GFM2: variants seen among roughly 807,000 people sequenced by gnomAD.
GFM2 encodes ribosome-releasing factor 2, mitochondrial.
GFM2 carries 72 observed loss-of-function variants against 95.4 expected under a neutral mutation model. That is an observed-to-expected ratio of 0.76 (90% CI 0.62 to 0.92). GFM2 has a LOEUF of 0.92. Among genes scored for constraint, GFM2 ranks in the 40% least tolerant of loss-of-function variants. GFM2 has a pLI of 0.00. For synonymous variants in GFM2, 276 were observed against 317.5 expected, an observed-to-expected ratio of 0.87 and a Z score of 1.39; for missense variants, 825 against 924.1, an observed-to-expected ratio of 0.89 and a Z score of 1.39.
intron 15 of GFM2, 142 bp from the exon 16 acceptor site, chr5:74,733,240 C>T (rs1213027072): frequency 3.4e-6 from 2 of 590,860 alleles, no homozygotes; most frequent in Non-Finnish European, 6.0e-6. Context: ...TCTGTAATCC[C>T]AGCACTTTGG....
chr5:74,762,873 GAATT>G (rs957518488), intron 2 of GFM2, among the ~76,000 whole-genome samples: 12 of 152,244 alleles, frequency 7.9e-5, no homozygotes, highest in African/African-American at 2.9e-4. Context: ...TAAAACTTAT[GAATT>G]ATTTCTGGAA....
At chr5:74,727,446 G>T (rs1750200420) in intron 17 of GFM2, among the ~76,000 whole-genome samples, 1 of 151,862 alleles carries the variant, frequency 6.6e-6, no homozygotes, top group Non-Finnish European at 1.5e-5. Context: ...TATGTGTTTG[G>T]GAGAGTCGTC....
At position 74,721,715 on chromosome 5, in the gene GFM2, A is replaced by G. The variant is rs758705124; in HGVS notation, c.2280T>C (p.Tyr760=). Reference sequence around the variant, plus strand: ...TTTGATCTTGAGGATTCATGGCTTGATAAGTAGATAGTTCTAAGGCAAAAG... The same window carrying G: ...TTTGATCTTGAGGATTCATGGCTTGGTAAGTAGATAGTTCTAAGGCAAAAG... ...SATFALELST[Y]QAMNPQDQNT... is the part of the protein sequence containing the mutation. Residue 760 remains tyrosine (Y), a synonymous_variant, in exon 21 of 21, where the codon TAT becomes TAC. Transcript: ENST00000296805. 6.2e-7 allele frequency: 1 copy of G among 1,613,852 alleles called. No homozygotes were observed. Among genetic ancestry groups the G allele is most frequent in the Non-Finnish European group, 8.5e-7 (1 of 1,179,824 alleles).
In GFM2 at chr5:74,766,244, C is replaced by T. The variant is rs536820321; in HGVS notation, c.-25+694G>A. Among the ~76,000 whole-genome samples the T allele has an allele frequency of 6.6e-5, 10 of 152,310 alleles. No individual in the cohort carries two copies. In the South Asian group the frequency reaches 1.9e-3, roughly 28 times the overall value. The stretch of plus-strand genomic sequence containing the variant: ...GCTTGATCCCGGGAGGTCGAGGCTG[C>T]GGTGAGCCGAGCTCGTGCCCCTGCA... On this transcript the variant is annotated intron_variant, in intron 1 of 20. Transcript: ENST00000296805.
intron 6 of GFM2, 149 bp from the exon 7 acceptor site, chr5:74,750,816 T>A (rs1465334228): frequency 1.6e-6 from 1 of 610,064 alleles, no homozygotes; most frequent in African/African-American, 1.9e-5. Flanking sequence ...TCAGAGCTAT[T>A]TGCACACCCT....
rs747188736 is a variant in GFM2 at position 74,746,074 on chromosome 5, GAGA to G, written c.669+28_669+30del. On this transcript the variant is annotated intron_variant, in intron 9 of 20. Transcript: ENST00000296805. ...CACAAAATAAATTAATGAGGAAACT[GAGA>G]AGAAGCTGATGCTATTAACCAATTT... The G allele has an allele frequency of 3.2e-5, 46 of 1,421,872 alleles. No homozygotes were observed. The Admixed American group carries it at 9.8e-4, about 30-fold the overall frequency. The allele number at this position is 1,421,872 out of a possible 1,614,324, so 88.1% of individuals were successfully genotyped here.
Position 74,726,000 on chromosome 5 carries a change from C to A in GFM2, c.1853G>T (p.Gly618Val). 1 of 1,607,618 alleles carries A rather than the reference C, an allele frequency of 6.2e-7. No individual in the cohort carries two copies. Among genetic ancestry groups the A allele is most frequent in the East Asian group, 2.2e-5 (1 of 44,824 alleles). ...EFEYAESINE[G>V]LLKVSQEAIE... ...GGCCTCTTGGGAGACCTTCAAAAGG[C>A]CTTCATTGATACTTTCAGCATACTC... Residue 618 changes from glycine (G) to valine (V), a missense_variant, in exon 18 of 21, where the codon GGC becomes GTC. Gly to Val is a moderately radical substitution (Grantham distance 109, BLOSUM62 -3). Coordinates refer to ENST00000296805, the MANE Select transcript of GFM2 (RefSeq NM_032380.5).
At chr5:74,745,587 A>C in intron 10 of GFM2, 91 bp downstream of exon 10, 1 of 1,120,408 alleles carries the variant, frequency 8.9e-7, no homozygotes, top group Non-Finnish European at 1.2e-6. Context: ...GAGGTCCTGC[A>C]ACCAATCCCC....
At chr5:74,747,887 T>C (rs79558384) in intron 7 of GFM2, 107 bp from the exon 8 acceptor site, 195 of 617,890 alleles carry the variant, frequency 3.2e-4, no homozygotes, top group African/African-American at 3.0e-3. Context: ...TTGGGCCCTA[T>C]TCTAGCAGAG....
Position 74,725,840 on chromosome 5 carries a change from CACTA to C in GFM2, c.1913-89_1913-86del, listed in dbSNP as rs1750121597. 24 of 1,440,772 alleles carry C rather than the reference CACTA, an allele frequency of 1.7e-5. No individual in the cohort carries two copies. In the Middle Eastern group the frequency reaches 8.9e-4, roughly 53 times the overall value. 89.2% of individuals were successfully genotyped at this position (1,440,772 alleles called of 1,614,324 possible). A position where few individuals can be genotyped will look rare whatever the true frequency, so the allele number is the denominator to read the frequency against. ...GAAGTGCAAAGGAATAGGGAGAAAA[CACTA>C]ACAAAGTTAGGAAAAAGACTGAAAT... is the stretch of plus-strand genomic sequence containing the variant. On this transcript the variant is annotated intron_variant, in intron 18 of 20. Transcript: ENST00000296805.
chr5:74,737,105 G>T, intron 14 of GFM2, 120 bp from the exon 15 acceptor site: 1 of 890,494 alleles, frequency 1.1e-6, no homozygotes, highest in Non-Finnish European at 1.7e-6. Context: ...GAACTTAAAA[G>T]AGAAATAAAA....
intron 14 of GFM2, among the ~76,000 whole-genome samples, chr5:74,737,675 C>T (rs547009868): frequency 1.3e-5 from 2 of 152,162 alleles, no homozygotes; most frequent in South Asian, 4.1e-4. Flanking sequence ...TGAAACTAGT[C>T]ATGAAGAGTT....
intron 1 of GFM2, among the ~76,000 whole-genome samples, chr5:74,766,473 C>G (rs1054902891): frequency 6.6e-6 from 1 of 152,136 alleles, no homozygotes; most frequent in Non-Finnish European, 1.5e-5. Flanking sequence ...AAAGGGTAAA[C>G]CTGATAGTGT....
At chr5:74,738,453 T>A (rs1218899346) in intron 13 of GFM2, 36 bp from the exon 14 acceptor site, 1 of 1,610,722 alleles carries the variant, frequency 6.2e-7, no homozygotes, top group Non-Finnish European at 8.5e-7. Context: ...TAAAAGTATT[T>A]TTAAAGAAGT....
Position 74,738,619 on chromosome 5 carries a change from C to T in GFM2, c.1103G>A (p.Cys368Tyr), listed in dbSNP as rs769887272. The T allele has an allele frequency of 1.2e-6, 2 of 1,612,922 alleles. No homozygotes were observed. Among genetic ancestry groups the T allele is most frequent in the East Asian group, 2.2e-5 (1 of 44,860 alleles). ...EFLQWYKDDL[C>Y]ALAFKVLHDK... Reference sequence around the variant, plus strand: ...ATGGAGAACTTTAAATGCCAATGCACATAAGTCATCCTTATACCACTGCCT... The same window carrying T: ...ATGGAGAACTTTAAATGCCAATGCATATAAGTCATCCTTATACCACTGCCT... Residue 368 changes from cysteine to tyrosine, a missense_variant, in exon 13 of 21, where the codon TGT (cysteine) becomes TAT (tyrosine). By Grantham distance (194) the Cys-to-Tyr change is radical (BLOSUM62 -2). Coordinates refer to ENST00000296805, the MANE Select transcript of GFM2 (RefSeq NM_032380.5).
At chr5:74,748,909 TAAAAAAATAA>T (rs1206350519) in intron 7 of GFM2, among the ~76,000 whole-genome samples, 7 of 112,636 alleles carry the variant, frequency 6.2e-5, no homozygotes, top group Admixed American at 4.3e-4. Context: ...TAAAATAAAA[TAAAAAAATAA>T]AAAAAAATAA....
chr5:74,732,331 C>T (rs1379564174), intron 16 of GFM2, among the ~76,000 whole-genome samples: 2 of 151,866 alleles, frequency 1.3e-5, no homozygotes, highest in African/African-American at 4.8e-5. Flanking sequence ...TAAATTACTA[C>T]CTCATTTGGC....
At chr5:74,763,118 ATAATT>A (rs1349167382) in intron 2 of GFM2, among the ~76,000 whole-genome samples, 2 of 152,218 alleles carry the variant, frequency 1.3e-5, no homozygotes, top group African/African-American at 4.8e-5. Context: ...AGTTTAGAAA[ATAATT>A]TATAGTGTTT....
rs990216316 is a variant in GFM2, at chr5:74,745,668, T to C, written c.849+10A>G. 3.1e-6 allele frequency: 5 copies of C among 1,596,270 alleles called. No individual in the cohort carries two copies. The South Asian group carries it at 5.6e-5, about 18-fold the overall frequency. On this transcript the variant is annotated intron_variant, in intron 10 of 20. Coordinates refer to ENST00000296805, the MANE Select transcript of GFM2 (RefSeq NM_032380.5). ...CATTGGTGTTCATTTTATCATTCAT[T>C]ATACTTTACTTGTTCAATTAAGGCA...
Sources: allele counts gnomAD v4.1 joint callset (sites outside exome capture counted in the v4.1 genomes callset), GRCh38; gene constraint gnomAD v4.1.1; transcripts MANE v1.5; gene names NCBI Gene and HGNC (gene_info 2026-07-23, HGNC 2026-07-21).